Variants in LIPA observed in about 807,000 individuals in gnomAD.
LIPA encodes lipase A, lysosomal acid type.
A neutral mutation model predicts 40.6 loss-of-function variants in LIPA; 26 were observed. That is an observed-to-expected ratio of 0.64 (90% CI 0.47 to 0.89). The LOEUF (loss-of-function observed/expected upper bound fraction) is 0.89. Ranked by LOEUF, LIPA falls within the 40% of genes least tolerant of loss-of-function variation. The pLI is 0.00. For missense variants in LIPA, 455 were observed against 479.6 expected (o/e 0.95, Z 0.48); for synonymous variants, 188 against 168.4 (o/e 1.12, Z -0.90).
chr10:89,245,642 A>C (rs995708864), intron 3 of LIPA, 34 bp downstream of exon 3: 1 of 1,058,904 alleles, frequency 9.4e-7, no homozygotes, highest in African/African-American at 1.6e-5. Flanking sequence ...ACCCAGAAGA[A>C]TTCTGGTTTT....
At chr10:89,341,173 G>A (rs1445697235) in intron 1 of LIPA, among the ~76,000 whole-genome samples, 4 of 152,166 alleles carry the variant, frequency 2.6e-5, no homozygotes, top group Admixed American at 6.5e-5. Flanking sequence ...TGTCTTTCCA[G>A]CCTAGGAGCC....
chr10:89,235,156 G>T (rs1166021050), intron 3 of LIPA, among the ~76,000 whole-genome samples: 1 of 152,214 alleles, frequency 6.6e-6, no homozygotes, highest in Non-Finnish European at 1.5e-5. Context: ...AGGGGGATAG[G>T]GAATGAAAGG....
chr10:89,268,314 A>G (rs542866946), intron 1 of LIPA, among the ~76,000 whole-genome samples: 4 of 152,368 alleles, frequency 2.6e-5, no homozygotes, highest in African/African-American at 7.2e-5. Context: ...TTGTCTAGGG[A>G]CATCTCAAAT....
chr10:89,288,487 A>G (rs1843353410), intron 1 of LIPA, among the ~76,000 whole-genome samples: 1 of 152,156 alleles, frequency 6.6e-6, no homozygotes, highest in African/African-American at 2.4e-5. Context: ...CTTACACAAG[A>G]GCCAGGACTG....
chr10:89,302,256 T>A, intron 1 of LIPA: 1 of 948,052 alleles, frequency 1.1e-6, no homozygotes, highest in Non-Finnish European at 1.7e-6. Flanking sequence ...ACTATGCCTC[T>A]ACCTCTGTTG....
intron 1 of LIPA, among the ~76,000 whole-genome samples, chr10:89,342,303 CACTCTTA>C (rs1337222528): frequency 6.6e-6 from 1 of 152,184 alleles, no homozygotes; most frequent in Non-Finnish European, 1.5e-5. Flanking sequence ...CACAGACTTC[CACTCTTA>C]ACTCTTGCCT....
intron 1 of LIPA, among the ~76,000 whole-genome samples, chr10:89,413,964 A>G (rs550845394): frequency 2.0e-5 from 3 of 152,264 alleles, no homozygotes; most frequent in African/African-American, 4.8e-5. Context: ...AGGGGACAAA[A>G]TGTTTAAGGT....
At chr10:89,325,956 T>C (rs1290877675) in intron 1 of LIPA, among the ~76,000 whole-genome samples, 1 of 152,112 alleles carries the variant, frequency 6.6e-6, no homozygotes, top group East Asian at 1.9e-4. Flanking sequence ...GGCAAGGATG[T>C]GGAAAAAAGG....
chr10:89,374,797 C>A (rs1196680129), intron 2 of LIPA, among the ~76,000 whole-genome samples: 1 of 152,134 alleles, frequency 6.6e-6, no homozygotes, highest in Non-Finnish European at 1.5e-5. Flanking sequence ...TCTCTTCTCC[C>A]CCTACACAGG....
At chr10:89,349,865 C>T (rs1465212470) in intron 2 of LIPA, among the ~76,000 whole-genome samples, 3 of 152,120 alleles carry the variant, frequency 2.0e-5, no homozygotes, top group African/African-American at 4.8e-5. Flanking sequence ...AAAAAGCAGA[C>T]GCAGGATGAG....
intron 1 of LIPA, among the ~76,000 whole-genome samples, chr10:89,291,098 CCTTT>C (rs1843371990): frequency 6.6e-6 from 1 of 151,916 alleles, no homozygotes; most frequent in Non-Finnish European, 1.5e-5. Flanking sequence ...TTCTCGGTCT[CCTTT>C]CTTTGTTCTT....
intron 3 of LIPA, among the ~76,000 whole-genome samples, chr10:89,230,175 C>T (rs1288597638): frequency 6.6e-6 from 1 of 152,164 alleles, no homozygotes; most frequent in Non-Finnish European, 1.5e-5. Context: ...ATGAAACAAG[C>T]CTTTATTGAG....
chr10:89,354,082 TC>T (rs1284372253), intron 2 of LIPA, among the ~76,000 whole-genome samples: 1 of 152,236 alleles, frequency 6.6e-6, no homozygotes, highest in African/African-American at 2.4e-5. Context: ...TCGATTTCTT[TC>T]TTCTAAGGAG....
intron 1 of LIPA, chr10:89,302,125 T>C (rs1843448846): frequency 6.2e-7 from 1 of 1,613,990 alleles, no homozygotes; most frequent in East Asian, 2.2e-5. Context: ...ACTGCAACCA[T>C]GAGGTAAATA....
rs559617254 is a variant in LIPA at position 89,320,872 on chromosome 10, A to G, written c.-2+21739T>C. 1.0e-3 allele frequency among the ~76,000 whole-genome samples: 154 copies of G among 152,226 alleles called. 3 individuals are homozygous for G. In the South Asian group the frequency reaches 0.029, roughly 29 times the overall value. On this transcript the variant is annotated intron_variant, in intron 1 of 5. Coordinates refer to the LIPA transcript ENST00000282673. ...ATGGTACTGGTACCAAAACAGAGAT[A>G]TAGACCAATGGAACAGAACAGAGCC...
At chr10:89,383,873 G>A (rs762070382) in intron 2 of LIPA, 11 of 1,614,040 alleles carry the variant, frequency 6.8e-6, no homozygotes, top group Middle Eastern at 1.6e-4. Flanking sequence ...ACCGTCTATC[G>A]CCTGGATAAA....
At chr10:89,286,524 G>A (rs1012019302) in intron 1 of LIPA, among the ~76,000 whole-genome samples, 1 of 152,154 alleles carries the variant, frequency 6.6e-6, no homozygotes, top group Non-Finnish European at 1.5e-5. Flanking sequence ...GCATAGTCAA[G>A]GTTAATGCTC....
chr10:89,284,529 A>T (rs1377232471), intron 1 of LIPA: 3 of 152,214 alleles, frequency 2.0e-5, no homozygotes, highest in Admixed American at 2.0e-4. Context: ...GATCTTTAAA[A>T]AATAATAATA....
intron 2 of LIPA, among the ~76,000 whole-genome samples, chr10:89,351,664 C>T (rs547633408): frequency 3.3e-5 from 5 of 152,322 alleles, no homozygotes; most frequent in Non-Finnish European, 1.5e-5. Context: ...AGCTTCTTTT[C>T]TTCCTGCAGC....
Sources: allele counts gnomAD v4.1 joint callset (sites outside exome capture counted in the v4.1 genomes callset), GRCh38; gene constraint gnomAD v4.1.1; transcripts MANE v1.5; gene names NCBI Gene and HGNC (gene_info 2026-07-23, HGNC 2026-07-21).